OR1S2: variants seen among roughly 807,000 people sequenced by gnomAD.
The protein encoded by OR1S2 is olfactory receptor 1S2.
A neutral mutation model predicts 1.7 loss-of-function variants in OR1S2; 1 was observed. The ratio of observed to expected loss-of-function variants is 0.59; its 90% CI spans 0.21 to 2.81. The LOEUF (loss-of-function observed/expected upper bound fraction) is 2.81, where lower values mean the gene tolerates loss of function less well. OR1S2 is among the 30% of genes most tolerant of loss of function. The probability of loss-of-function intolerance (pLI) is 0.22; values close to 1 mark genes in which losing one functional copy is unlikely to be tolerated. For missense variants in OR1S2, 391 were observed against 371.6 expected, an observed-to-expected ratio of 1.05 and a Z score of -0.43; for synonymous variants, 157 against 145.3, an observed-to-expected ratio of 1.08 and a Z score of -0.58.
chr11:58,203,852 G>A, exon 1 of OR1S2: 8 of 1,614,128 alleles, frequency 5.0e-6, no homozygotes, highest in Non-Finnish European at 6.8e-6. Flanking sequence ...TCTGTGTGAT[G>A]CAGCTCTCAT....
chr11:58,203,947 G>C, exon 1 of OR1S2: 3 of 1,614,114 alleles, frequency 1.9e-6, no homozygotes, highest in Non-Finnish European at 2.5e-6. Flanking sequence ...GCAAAGGATA[G>C]GTAGGCAAGG....
exon 1 of OR1S2, chr11:58,203,742 G>T (rs139923248): frequency 2.5e-6 from 4 of 1,613,818 alleles, no homozygotes; most frequent in South Asian, 2.2e-5. Context: ...CCGCATGAAA[G>T]TTGTATAGTT....
At chr11:58,203,379 G>T (rs78572631) in exon 1 of OR1S2, 3 of 1,613,124 alleles carry the variant, frequency 1.9e-6, no homozygotes, top group Admixed American at 1.7e-5. Context: ...CACGCCTACA[G>T]TGGTTCCGTA....
exon 1 of OR1S2, chr11:58,203,411 G>A: frequency 6.2e-7 from 1 of 1,614,046 alleles, no homozygotes; most frequent in Non-Finnish European, 8.5e-7. Context: ...CAATTGTCAG[G>A]TGAGAGCCAC....
chr11:58,203,277 A>T (rs150531314), exon 1 of OR1S2: 301 of 1,613,970 alleles, frequency 1.9e-4, no homozygotes, highest in Non-Finnish European at 2.4e-4. Context: ...CAAGCTGTAG[A>T]TGAAGGGGTT....
At position 58,203,935 on chromosome 11, in the gene OR1S2, CA is replaced by C; in HGVS notation, c.207del (p.Asp70IlefsTer14). ...ACTGAGTTGGAAATGGAGGAAATATCAGCAAAGGATAGGTAGGCAAGGAAGA... is the reference window on the plus strand; with the variant it reads ...ACTGAGTTGGAAATGGAGGAAATATCGCAAAGGATAGGTAGGCAAGGAAGA... On this transcript the variant is annotated frameshift_variant, in exon 1 of 1. Coordinates refer to ENST00000641683, the Ensembl canonical transcript of OR1S2. LOFTEE classifies it low-confidence loss of function (END_TRUNC). 6.2e-7 allele frequency: 1 copy of C among 1,614,026 alleles called. No homozygotes were observed. Among genetic ancestry groups the C allele is most frequent in the South Asian group, 1.1e-5 (1 of 91,076 alleles).
At chr11:58,203,343 G>A in exon 1 of OR1S2, 2 of 1,614,066 alleles carry the variant, frequency 1.2e-6, no homozygotes, top group Non-Finnish European at 1.7e-6. Context: ...AGTGTCCTCA[G>A]GGTGAGTGGA....
exon 1 of OR1S2, chr11:58,203,318 A>G: frequency 1.2e-6 from 2 of 1,614,126 alleles, no homozygotes; most frequent in Non-Finnish European, 1.7e-6. Context: ...TGAATAGGAC[A>G]GCACCAATCT....
exon 1 of OR1S2, chr11:58,203,480 G>T: frequency 6.2e-7 from 1 of 1,614,044 alleles, no homozygotes; most frequent in Non-Finnish European, 8.5e-7. Flanking sequence ...CAGCTCTGAT[G>T]ATGCAGACAT....
At chr11:58,203,603 G>A in exon 1 of OR1S2, 2 of 1,614,186 alleles carry the variant, frequency 1.2e-6, no homozygotes, top group Non-Finnish European at 1.7e-6. Flanking sequence ...GAGGGGCCAA[G>A]TCACAGAAGA....
At chr11:58,203,617 G>A in exon 1 of OR1S2, 1 of 1,614,196 alleles carries the variant, frequency 6.2e-7, no homozygotes, top group Non-Finnish European at 8.5e-7. Context: ...CAGAAGAAGT[G>A]TGGGAGAGTG....
At chr11:58,203,671 T>C (rs1456177082) in exon 1 of OR1S2, 1 of 1,614,048 alleles carries the variant, frequency 6.2e-7, no homozygotes. Context: ...AGGGTGTGTG[T>C]AAGAGCAATA....
exon 1 of OR1S2, chr11:58,203,377 C>T (rs1401614010): frequency 6.2e-7 from 1 of 1,613,894 alleles, no homozygotes; most frequent in Non-Finnish European, 8.5e-7. Flanking sequence ...TACACGCCTA[C>T]AGTGGTTCCG....
rs1854881943 is a variant in OR1S2, at chr11:58,204,024, AC to A, written c.118del (p.Val40LeufsTer44). 1 of 1,613,942 alleles carries A rather than the reference AC, an allele frequency of 6.2e-7. No individual in the cohort carries two copies. The highest frequency in any genetic ancestry group is 1.3e-5 in the African/African-American group (1 of 74,910). ...AGCCACAATGATGAGCCCGTTCCCAACCACAGTGACCACATACATACTCAGG... is the reference window on the plus strand; with the variant it reads ...AGCCACAATGATGAGCCCGTTCCCAACACAGTGACCACATACATACTCAGG... On this transcript the variant is annotated frameshift_variant, in exon 1 of 1. Transcript: ENST00000641683. LOFTEE classifies it low-confidence loss of function (END_TRUNC).
At chr11:58,204,117 A>G in exon 1 of OR1S2, 1 of 1,614,006 alleles carries the variant, frequency 6.2e-7, no homozygotes, top group Non-Finnish European at 8.5e-7. Flanking sequence ...GAATTCAGTG[A>G]TGGTGGTTTG....
At chr11:58,203,399 T>C in exon 1 of OR1S2, 7 of 1,613,960 alleles carry the variant, frequency 4.3e-6, no homozygotes, top group Non-Finnish European at 5.9e-6. Flanking sequence ...AGAACAGTAA[T>C]GCAATTGTCA....
exon 1 of OR1S2, chr11:58,203,451 G>A (rs748761867): frequency 1.9e-6 from 3 of 1,614,048 alleles, no homozygotes; most frequent in Non-Finnish European, 2.5e-6. Context: ...CTTTCCCTGT[G>A]TGGATGATAC....
At chr11:58,203,975 G>T (rs757976339) in exon 1 of OR1S2, 8 of 1,613,968 alleles carry the variant, frequency 5.0e-6, no homozygotes, top group Non-Finnish European at 6.8e-6. Flanking sequence ...ACATGGGGGT[G>T]TGAAGGTATA....
exon 1 of OR1S2, chr11:58,203,580 G>A (rs1854873249): frequency 6.2e-7 from 1 of 1,614,142 alleles, no homozygotes; most frequent in Non-Finnish European, 8.5e-7. Context: ...ATCTGAACAG[G>A]ACAGTTTGAG....
Sources: gnomAD v4.1 joint callset for allele counts on GRCh38, gnomAD v4.1.1 for gene constraint, MANE v1.5 for transcripts, NCBI Gene and HGNC (gene_info 2026-07-23, HGNC 2026-07-21) for gene names.